HFM1: variants seen among roughly 807,000 people sequenced by gnomAD.
HFM1 encodes helicase for meiosis 1.
HFM1 carries 169 observed loss-of-function variants against 192.1 expected under a neutral mutation model. The ratio of observed to expected loss-of-function variants is 0.88; its 90% CI spans 0.78 to 1.00. HFM1 has a LOEUF of 1.00. Ranked by LOEUF, HFM1 falls within the 50% of genes least tolerant of loss-of-function variation. The pLI, the probability that HFM1 is intolerant of heterozygous loss-of-function variation, is 0.00. For synonymous variants in HFM1, 525 were observed against 537.8 expected, an observed-to-expected ratio of 0.98 and a Z score of 0.33; for missense variants, 1,661 against 1,668.0, an observed-to-expected ratio of 1.00 and a Z score of 0.07.
rs1055785105 is a variant in HFM1, at chr1:91,265,580, C to A, written c.3974+437G>T. Among the ~76,000 whole-genome samples the A allele has an allele frequency of 2.4e-4, 36 of 152,192 alleles. 1 individual carries two copies. The highest frequency in any genetic ancestry group is 8.7e-4 in the African/African-American group (36 of 41,468). ...AGCCCTTACAATAAGACTTCAGCAACAGACTTTGTGCTGTGGCCACACATA... is the reference window on the plus strand; with the variant it reads ...AGCCCTTACAATAAGACTTCAGCAAAAGACTTTGTGCTGTGGCCACACATA... On this transcript the variant is annotated intron_variant, in intron 36 of 38. Coordinates refer to ENST00000370425, the MANE Select transcript of HFM1 (RefSeq NM_001017975.6).
At chr1:91,315,623 A>G (rs1379577641) in intron 28 of HFM1, among the ~76,000 whole-genome samples, 192 bp downstream of exon 28, 1 of 152,226 alleles carries the variant, frequency 6.6e-6, no homozygotes, top group East Asian at 1.9e-4. Context: ...TACTAAATAT[A>G]ACAATTTAAA....
At chr1:91,300,970 G>T (rs12727743) in intron 30 of HFM1, among the ~76,000 whole-genome samples, 4 of 152,312 alleles carry the variant, frequency 2.6e-5, no homozygotes, top group East Asian at 3.9e-4. Flanking sequence ...AAGAGTATTC[G>T]ATTAGGAAAA....
intron 30 of HFM1, among the ~76,000 whole-genome samples, chr1:91,287,559 T>C (rs1668165655): frequency 6.6e-6 from 1 of 151,698 alleles, no homozygotes; most frequent in Admixed American, 6.6e-5. Flanking sequence ...ACCACAAAGA[T>C]AGGGAAAAAA....
chr1:91,374,385 A>G (rs1163465042), intron 13 of HFM1, among the ~76,000 whole-genome samples: 1 of 152,200 alleles, frequency 6.6e-6, no homozygotes, highest in Non-Finnish European at 1.5e-5. Context: ...AATCTATGCT[A>G]TGTAGAGAAT....
chr1:91,283,600 C>T (rs968981361), intron 30 of HFM1, among the ~76,000 whole-genome samples: 1 of 152,118 alleles, frequency 6.6e-6, no homozygotes, highest in Non-Finnish European at 1.5e-5. Context: ...TTCCATATTC[C>T]ATCACTGTCA....
chr1:91,285,045 A>G (rs1410912314), intron 30 of HFM1, among the ~76,000 whole-genome samples: 1 of 152,144 alleles, frequency 6.6e-6, no homozygotes, highest in Non-Finnish European at 1.5e-5. Flanking sequence ...TGATTTTATA[A>G]GGGGTCTCTC....
At chr1:91,273,205 T>C (rs281966) in intron 34 of HFM1, among the ~76,000 whole-genome samples, 44,477 of 151,718 alleles carry the variant, frequency 0.29, 6,688 homozygotes, top group Non-Finnish European at 0.32. Context: ...CATACTAACA[T>C]AGAATTGTAA....
chr1:91,294,421 A>G (rs1647225280), intron 30 of HFM1, among the ~76,000 whole-genome samples: 1 of 152,192 alleles, frequency 6.6e-6, no homozygotes, highest in South Asian at 2.1e-4. Context: ...ACTTTATGTT[A>G]GTGATATTCA....
In HFM1 at chr1:91,315,927, T is replaced by G; in HGVS notation, c.3028A>C (p.Ile1010Leu). Reference protein sequence around the residue: ...DTTAEILVTVILRNFEQLQTK... With the variant: ...DTTAEILVTVLLRNFEQLQTK... ...TGTAGCTGTTCAAAATTTCTTAATA[T>G]AACAGTCACTAATATTTCTGCCGTC... The change falls in exon 28 of 39, where the codon ATA becomes CTA. Residue 1010 changes from isoleucine to leucine, a missense_variant. Coordinates refer to ENST00000370425, the MANE Select transcript of HFM1 (RefSeq NM_001017975.6). 17 of 1,594,526 alleles carry G rather than the reference T, an allele frequency of 1.1e-5. No homozygotes were observed. The highest frequency in any genetic ancestry group is 1.5e-5 in the Non-Finnish European group (17 of 1,162,846).
intron 2 of HFM1, 24 bp downstream of exon 2, chr1:91,400,988 T>C (rs1333393173): frequency 1.7e-6 from 2 of 1,197,420 alleles, no homozygotes; most frequent in Admixed American, 2.2e-5. Flanking sequence ...TATACTATGC[T>C]ATCAATCTTT....
chr1:91,340,854 CT>C (rs1371988528), intron 20 of HFM1, among the ~76,000 whole-genome samples: 1 of 152,122 alleles, frequency 6.6e-6, no homozygotes, highest in Non-Finnish European at 1.5e-5. Flanking sequence ...AAGAAGGACA[CT>C]GATAATGATG....
chr1:91,385,891 T>A, intron 4 of HFM1, 57 bp from the exon 5 acceptor site: 1 of 1,444,248 alleles, frequency 6.9e-7, no homozygotes, highest in Non-Finnish European at 9.4e-7. Flanking sequence ...GCTTGGAATA[T>A]GAAAAACTAG....
chr1:91,369,110 A>G (rs984085374), intron 13 of HFM1, among the ~76,000 whole-genome samples: 3 of 152,126 alleles, frequency 2.0e-5, no homozygotes, highest in Non-Finnish European at 4.4e-5. Flanking sequence ...AAGTCCTTAG[A>G]GACCTACAAA....
rs764175250 is a variant in HFM1, at chr1:91,301,410, C to G, written c.3391+11939G>C. 6.3e-3 allele frequency among the ~76,000 whole-genome samples: 777 copies of G among 122,488 alleles called. 6 individuals carry two copies. Among genetic ancestry groups the G allele is most frequent in the Non-Finnish European group, 8.9e-3 (523 of 58,972 alleles). 80.4% of individuals were successfully genotyped at this position (122,488 alleles called of 152,430 possible). A position where few individuals can be genotyped will look rare whatever the true frequency, so the allele number is the denominator to read the frequency against. The stretch of plus-strand genomic sequence containing the variant: ...TCCCCATCAAGCTACAAATGACTTT[C>G]TTCACAGAATTGGAAAAAACTACTT... On this transcript the variant is annotated intron_variant, in intron 30 of 38. Transcript: ENST00000370425.
chr1:91,287,623 A>T (rs1668175928), intron 30 of HFM1, among the ~76,000 whole-genome samples: 1 of 152,236 alleles, frequency 6.6e-6, no homozygotes, highest in Non-Finnish European at 1.5e-5. Flanking sequence ...CCTCTAAAGG[A>T]ACGCAGTTCC....
chr1:91,407,572 A>T (rs181834485), upstream of HFM1, among the ~76,000 whole-genome samples: 4 of 152,336 alleles, frequency 2.6e-5, no homozygotes, highest in Non-Finnish European at 5.9e-5. Flanking sequence ...CATGGATCAG[A>T]ATTTTACTCC....
intron 13 of HFM1, among the ~76,000 whole-genome samples, chr1:91,363,771 A>G (rs951555286): frequency 3.9e-5 from 6 of 152,232 alleles, no homozygotes; most frequent in African/African-American, 1.4e-4. Context: ...AATAGCAAAG[A>G]CATGGAATCA....
At chr1:91,271,786 T>A (rs1219209032) in intron 34 of HFM1, among the ~76,000 whole-genome samples, 1 of 152,168 alleles carries the variant, frequency 6.6e-6, no homozygotes, top group Non-Finnish European at 1.5e-5. Flanking sequence ...TTTTCAGTTC[T>A]CCACTGATCA....
intron 13 of HFM1, among the ~76,000 whole-genome samples, chr1:91,364,645 T>TC (rs1659028159): frequency 7.1e-6 from 1 of 140,014 alleles, no homozygotes; most frequent in African/African-American, 2.6e-5. Flanking sequence ...TTTTTTTTTT[T>TC]TTTGAGACAG....
Sources: allele counts gnomAD v4.1 joint callset (sites outside exome capture counted in the v4.1 genomes callset), GRCh38; gene constraint gnomAD v4.1.1; transcripts MANE v1.5; gene names NCBI Gene and HGNC (gene_info 2026-07-23, HGNC 2026-07-21).